MAN1C1: variants seen among roughly 807,000 people sequenced by gnomAD.
MAN1C1 encodes mannosyl-oligosaccharide 1,2-alpha-mannosidase IC.
In MAN1C1, 49 loss-of-function variants were observed where a neutral mutation model predicts 71.5. The observed-to-expected ratio is 0.69, with a 90% CI of 0.54 to 0.87. MAN1C1 has a LOEUF of 0.87. Ranked by LOEUF, MAN1C1 falls within the 40% of genes least tolerant of loss-of-function variation. The pLI is 0.00. For synonymous variants in MAN1C1, 352 were observed against 343.7 expected (o/e 1.02, Z -0.27); for missense variants, 743 against 835.0 (o/e 0.89, Z 1.36).
intron 1 of MAN1C1, among the ~76,000 whole-genome samples, chr1:25,668,525 G>C (rs901230052): frequency 1.5e-4 from 23 of 151,644 alleles, no homozygotes; most frequent in African/African-American, 5.6e-4. Context: ...GACAGACCTG[G>C]GTTTGAATCC....
chr1:25,675,647 A>T (rs527936601), intron 1 of MAN1C1, among the ~76,000 whole-genome samples: 3 of 147,016 alleles, frequency 2.0e-5, no homozygotes, highest in African/African-American at 7.5e-5. Context: ...TTCTACTTTT[A>T]GTTCTTTAAG....
chr1:25,731,290 A>G (rs1173617851), intron 2 of MAN1C1, among the ~76,000 whole-genome samples: 1 of 152,218 alleles, frequency 6.6e-6, no homozygotes, highest in African/African-American at 2.4e-5. Flanking sequence ...AGCTTGGACA[A>G]CAGAGTGAGA....
chr1:25,642,334 A>C (rs1371498209), intron 1 of MAN1C1, among the ~76,000 whole-genome samples: 1 of 152,230 alleles, frequency 6.6e-6, no homozygotes, highest in East Asian at 1.9e-4. Flanking sequence ...ATACTGAAGA[A>C]GTGAAAGAGC....
chr1:25,675,586 G>GT (rs1553185431), intron 1 of MAN1C1, among the ~76,000 whole-genome samples: 1 of 105,212 alleles, frequency 9.5e-6, no homozygotes, highest in East Asian at 4.4e-4. Flanking sequence ...TTATTTTGCG[G>GT]GGGGGGGGGG....
intron 1 of MAN1C1, among the ~76,000 whole-genome samples, chr1:25,630,804 T>C (rs1334771215): frequency 6.6e-6 from 1 of 152,184 alleles, no homozygotes; most frequent in Non-Finnish European, 1.5e-5. Context: ...CTAAGAGTCT[T>C]TTGGAGGAAT....
intron 2 of MAN1C1, among the ~76,000 whole-genome samples, chr1:25,733,844 G>A (rs1379608223): frequency 6.6e-6 from 1 of 151,674 alleles, no homozygotes; most frequent in Non-Finnish European, 1.5e-5. Context: ...CTGTCGCCCA[G>A]GCTGGAGTGC....
intron 2 of MAN1C1, among the ~76,000 whole-genome samples, chr1:25,702,344 T>A (rs971965107): frequency 6.6e-6 from 1 of 152,118 alleles, no homozygotes; most frequent in African/African-American, 2.4e-5. Context: ...CTCGCCCAGA[T>A]CCAGATGTAA....
chr1:25,675,960 C>T (rs998878895), intron 1 of MAN1C1, among the ~76,000 whole-genome samples: 8 of 152,176 alleles, frequency 5.3e-5, no homozygotes, highest in African/African-American at 9.7e-5. Flanking sequence ...CTTCAATGTG[C>T]GTTTGAATCA....
At chr1:25,757,706 C>G (rs1309720243) in intron 5 of MAN1C1, among the ~76,000 whole-genome samples, 8 of 152,216 alleles carry the variant, frequency 5.3e-5, no homozygotes, top group Non-Finnish European at 1.2e-4. Flanking sequence ...TGAACCTGCA[C>G]CTTCTGGCTC....
intron 1 of MAN1C1, among the ~76,000 whole-genome samples, chr1:25,650,072 C>T (rs2045670254): frequency 6.6e-6 from 1 of 152,086 alleles, no homozygotes; most frequent in Non-Finnish European, 1.5e-5. Context: ...TGCACAGACC[C>T]AGTTTCTGAC....
At chr1:25,737,911 A>T (rs2124316931) in intron 2 of MAN1C1, among the ~76,000 whole-genome samples, 1 of 152,280 alleles carries the variant, frequency 6.6e-6, no homozygotes, top group East Asian at 1.9e-4. Context: ...ATGTGGGTCA[A>T]GCATCACTTT....
At chr1:25,650,020 C>T (rs550425591) in intron 1 of MAN1C1, among the ~76,000 whole-genome samples, 1 of 152,234 alleles carries the variant, frequency 6.6e-6, no homozygotes, top group East Asian at 1.9e-4. Flanking sequence ...AGACCTTTAG[C>T]CACTGGCCTG....
chr1:25,717,125 A>G (rs2046691391), intron 2 of MAN1C1, among the ~76,000 whole-genome samples: 1 of 152,206 alleles, frequency 6.6e-6, no homozygotes, highest in Non-Finnish European at 1.5e-5. Flanking sequence ...AACATTCACA[A>G]GCAGTTTTCA....
At chr1:25,706,685 A>C (rs544473722) in intron 2 of MAN1C1, among the ~76,000 whole-genome samples, 1 of 152,358 alleles carries the variant, frequency 6.6e-6, no homozygotes, top group Non-Finnish European at 1.5e-5. Flanking sequence ...GAATGCCCCT[A>C]GACTGGGCAA....
chr1:25,758,523 C>G (rs1336586306), intron 5 of MAN1C1, 69 bp from the exon 6 acceptor site: 3 of 1,386,918 alleles, frequency 2.2e-6, no homozygotes, highest in Non-Finnish European at 3.1e-6. Flanking sequence ...CGAGCAGCTG[C>G]TGTTACTGTC....
intron 1 of MAN1C1, among the ~76,000 whole-genome samples, chr1:25,627,867 TA>T (rs762132988): frequency 0.097 from 11,807 of 121,924 alleles, 1,347 homozygotes; most frequent in African/African-American, 0.29. Flanking sequence ...ACCCAATCTC[TA>T]AAAAAAAAAA....
Position 25,783,712 on chromosome 1 carries a change from TG to T in MAN1C1, c.1819del (p.Val607CysfsTer11). 6.2e-7 allele frequency: 1 copy of T among 1,613,514 alleles called. No individual in the cohort carries two copies. Among genetic ancestry groups the T allele is most frequent in the Non-Finnish European group, 8.5e-7 (1 of 1,180,026 alleles). ...AGATGACTTGCTCTCCCTGGAAGAC[TG>T]GGTGTTCAACACCGAGGCCCACCCA... is the stretch of plus-strand genomic sequence containing the variant. ...SEDDLLSLED[W>X]VFNTEAHPLP... On this transcript the variant is annotated frameshift_variant, in exon 12 of 12. Transcript: ENST00000374332. LOFTEE classifies it high-confidence loss of function.
At chr1:25,763,132 G>T (rs767797373) in intron 6 of MAN1C1, among the ~76,000 whole-genome samples, 4 of 152,138 alleles carry the variant, frequency 2.6e-5, no homozygotes, top group Non-Finnish European at 5.9e-5. Context: ...GCCAGGTGTG[G>T]TGGTGCATGC....
intron 1 of MAN1C1, among the ~76,000 whole-genome samples, chr1:25,633,162 G>A (rs1420627693): frequency 6.6e-6 from 1 of 152,060 alleles, no homozygotes; most frequent in Non-Finnish European, 1.5e-5. Flanking sequence ...ACTGTGCCTG[G>A]CCACAATTTC....
Sources: gnomAD v4.1 joint callset for allele counts (sites outside exome capture counted in the v4.1 genomes callset) on GRCh38, gnomAD v4.1.1 for gene constraint, MANE v1.5 for transcripts, NCBI Gene and HGNC (gene_info 2026-07-23, HGNC 2026-07-21) for gene names.